Variants in SPEG observed in about 807,000 individuals in gnomAD.
SPEG encodes the protein striated muscle preferentially expressed protein kinase.
SPEG carries 114 observed loss-of-function variants against 300.4 expected under a neutral mutation model. The observed-to-expected ratio is 0.38, with a 90% CI of 0.33 to 0.44. SPEG has a LOEUF of 0.44. Ranked by LOEUF, SPEG falls within the 20% of genes least tolerant of loss-of-function variation. The pLI, the probability that SPEG is intolerant of heterozygous loss-of-function variation, is 1.00. For synonymous variants in SPEG, 1,964 were observed against 2,018.9 expected (o/e 0.97, Z 0.73); for missense variants, 4,201 against 4,586.2 (o/e 0.92, Z 2.43).
intron 10 of SPEG, among the ~76,000 whole-genome samples, chr2:219,468,041 C>T (rs1055536765): frequency 2.6e-5 from 4 of 152,336 alleles, no homozygotes; most frequent in Admixed American, 6.5e-5. Context: ...AAGACCTAAG[C>T]GGAAGCTGGA....
chr2:219,485,182 G>T, intron 30 of SPEG, 110 bp downstream of exon 30: 4 of 1,483,328 alleles, frequency 2.7e-6, no homozygotes, highest in Non-Finnish European at 3.7e-6. Flanking sequence ...GCAGGCTGAG[G>T]CCCCGAGGGT....
At chr2:219,482,605 T>C (rs1692954423) in intron 28 of SPEG, among the ~76,000 whole-genome samples, 179 bp from the exon 29 acceptor site, 1 of 152,210 alleles carries the variant, frequency 6.6e-6, no homozygotes, top group East Asian at 1.9e-4. Context: ...GTGTGCATCT[T>C]GGCTGTAGGC....
chr2:219,450,554 C>G (rs1056405547), intron 4 of SPEG: 1 of 152,286 alleles, frequency 6.6e-6, no homozygotes, highest in Non-Finnish European at 1.5e-5. Flanking sequence ...GGTACCCATA[C>G]AGTACTCAGT....
chr2:219,490,040 G>A (rs1414555913), intron 36 of SPEG, 101 bp downstream of exon 36: 4 of 1,387,466 alleles, frequency 2.9e-6, no homozygotes, highest in Non-Finnish European at 3.9e-6. Context: ...GCTGGGGTGG[G>A]GGGAGGTGCT....
In SPEG at chr2:219,477,948, G is replaced by C. The variant is rs748367615; in HGVS notation, c.4870G>C (p.Gly1624Arg). Reference protein sequence around the residue: ...YLRRIVERSSGLEFAAKFIPS... With the variant: ...YLRRIVERSSRLEFAAKFIPS... ...GCGGCGCATAGTGGAGCGTAGCTCCGGCCTGGAGTTTGCGGCCAAGTTCAT... is the reference window on the plus strand; with the variant it reads ...GCGGCGCATAGTGGAGCGTAGCTCCCGCCTGGAGTTTGCGGCCAAGTTCAT... The change falls in exon 22 of 41, where the codon GGC (glycine) becomes CGC (arginine). Residue 1624 changes from glycine (G) to arginine (R), a missense_variant. This residue lies in a region of SPEG where 1,047 missense variants were observed against 1,356.8 expected (regional missense o/e 0.77). Transcript: ENST00000312358. This position sits in a 1 kb window ranked among gnomAD's most constrained non-coding sequence, Gnocchi z 6.4. 2 of 1,614,058 alleles carry C rather than the reference G, an allele frequency of 1.2e-6. No homozygotes were observed. Among genetic ancestry groups the C allele is most frequent in the Admixed American group, 1.7e-5 (1 of 60,006 alleles).
In SPEG at chr2:219,490,347, C is replaced by T. The variant is rs1575200871; in HGVS notation, c.8922-62C>T. 4.5e-6 allele frequency: 7 copies of T among 1,559,898 alleles called. No individual in the cohort carries two copies. In the East Asian group the frequency reaches 1.1e-4, roughly 25 times the overall value. On this transcript the variant is annotated intron_variant, in intron 36 of 40. Coordinates refer to ENST00000312358, the MANE Select transcript of SPEG (RefSeq NM_005876.5). ...GTCCCTGCTCTCCTCCGTTAGCCCTCACTATGGAAGTGTCCCCCTCCTCTC... is the reference window on the plus strand; with the variant it reads ...GTCCCTGCTCTCCTCCGTTAGCCCTTACTATGGAAGTGTCCCCCTCCTCTC...
Position 219,489,092 on chromosome 2 carries a change from G to A in SPEG, c.8188G>A (p.Asp2730Asn), listed in dbSNP as rs200598748. Residue 2730 changes from aspartate (D) to asparagine (N), a missense_variant, in exon 35 of 41, where the codon GAC becomes AAC. Physicochemically the swap from Asp to Asn is conservative, Grantham distance 23. Coordinates refer to ENST00000312358, the MANE Select transcript of SPEG (RefSeq NM_005876.5). ...VWHPVSSGIP[D>N]CYYNVTHLPV... The stretch of plus-strand genomic sequence containing the variant: ...GCACCCTGTGAGCTCAGGCATCCCC[G>A]ACTGTTACTACAACGTGACCCACCT... 496 of 1,613,894 alleles carry A rather than the reference G, an allele frequency of 3.1e-4. 2 individuals carry two copies. In the African/African-American group the frequency reaches 3.7e-3, roughly 12 times the overall value.
intron 9 of SPEG, chr2:219,465,914 T>G: frequency 3.0e-6 from 2 of 677,384 alleles, no homozygotes; most frequent in South Asian, 1.8e-5. Flanking sequence ...TGTGCATGCG[T>G]GTGTGTGTGC....
In SPEG at chr2:219,480,107, A is replaced by G. The variant is rs1692694885; in HGVS notation, c.5309A>G (p.Asn1770Ser). 6.2e-6 allele frequency: 10 copies of G among 1,613,826 alleles called. No homozygotes were observed. The highest frequency in any genetic ancestry group is 1.7e-5 in the Admixed American group (1 of 60,008). Reference sequence around the variant, plus strand: ...GAGTTTGTAGCACCCGAGATTGTCAATCAGAGCCCCGTGTCTGGAGTCACT... The same window carrying G: ...GAGTTTGTAGCACCCGAGATTGTCAGTCAGAGCCCCGTGTCTGGAGTCACT... ...TPEFVAPEIV[N>S]QSPVSGVTDI... The change falls in exon 25 of 41, where the codon AAT (asparagine) becomes AGT (serine). Residue 1770 changes from asparagine to serine, a missense_variant. Asn to Ser is a conservative substitution (Grantham distance 46). This residue lies in a region of SPEG where 1,047 missense variants were observed against 1,356.8 expected (regional missense o/e 0.77). Coordinates refer to ENST00000312358, the MANE Select transcript of SPEG (RefSeq NM_005876.5). The surrounding 1 kb of genome is among the most constrained non-coding windows in gnomAD (Gnocchi z 5.3).
intron 1 of SPEG, among the ~76,000 whole-genome samples, chr2:219,438,128 G>C (rs13419208): frequency 6.6e-6 from 1 of 152,122 alleles, no homozygotes; most frequent in Non-Finnish European, 1.5e-5. Context: ...TGGGAAACTG[G>C]GGGTGGTGGT....
At position 219,489,757 on chromosome 2, in the gene SPEG, T is replaced by G. The variant is rs1325750794; in HGVS notation, c.8739T>G (p.Pro2913=). 2 of 1,613,388 alleles carry G rather than the reference T, an allele frequency of 1.2e-6. No individual in the cohort carries two copies. Among genetic ancestry groups the G allele is most frequent in the Admixed American group, 3.3e-5 (2 of 60,002 alleles). The change falls in exon 36 of 41, where the codon CCT becomes CCG. Residue 2913 remains proline, a synonymous_variant. Transcript: ENST00000312358. ...CCTTTGTGTCTGCACCACCAGCCCC[T>G]GAGCCCCCAGCCCCTGAGCCCCCTC... The part of the protein sequence containing the change: ...VTSFVSAPPA[P]EPPAPEPPPE...
chr2:219,446,127 G>A (rs1408427624), intron 3 of SPEG, among the ~76,000 whole-genome samples: 1 of 151,974 alleles, frequency 6.6e-6, no homozygotes, highest in East Asian at 1.9e-4. Flanking sequence ...AGGGTGGTTA[G>A]AGCAGGGCTA....
At chr2:219,467,537 C>T (rs1343420897) in intron 10 of SPEG, 103 bp downstream of exon 10, 7 of 1,377,510 alleles carry the variant, frequency 5.1e-6, no homozygotes, top group Admixed American at 4.2e-5. Context: ...GCTCCAACCC[C>T]GAGGGGAAGC....
rs62191886 is a variant in SPEG at position 219,467,426 on chromosome 2, C to T, written c.3134C>T (p.Thr1045Met). The change falls in exon 10 of 41, where the codon ACG becomes ATG. Residue 1045 changes from threonine (T) to methionine (M), a missense_variant. By Grantham distance (81) the Thr-to-Met change is moderately conservative. Transcript: ENST00000312358. Reference protein sequence around the residue: ...DSGVYTCKLSTAKDELTCSAR... With the variant: ...DSGVYTCKLSMAKDELTCSAR... The stretch of plus-strand genomic sequence containing the variant: ...GGCGTCTACACCTGCAAGCTCAGCA[C>T]GGCCAAAGGTAACTCCCCACTCAGG... The T allele has an allele frequency of 2.4e-5, 38 of 1,600,800 alleles. No homozygotes were observed. The highest frequency in any genetic ancestry group is 3.1e-5 in the Non-Finnish European group (36 of 1,171,858).
intron 9 of SPEG, 196 bp from the exon 10 acceptor site, chr2:219,466,978 T>C: frequency 9.4e-7 from 1 of 1,062,344 alleles, no homozygotes; most frequent in Non-Finnish European, 1.2e-6. Context: ...CTGGCCCAGC[T>C]TGGATTGCCA....
At position 219,444,204 on chromosome 2, in the gene SPEG, G is replaced by A. The variant is rs1238682147; in HGVS notation, c.389-449G>A. The A allele has an allele frequency of 3.9e-6, 2 of 516,378 alleles. No homozygotes were observed. Among genetic ancestry groups the A allele is most frequent in the Non-Finnish European group, 7.2e-6 (2 of 277,118 alleles). The allele number at this position is 516,378 out of a possible 1,614,324, so 32.0% of individuals were successfully genotyped here. On this transcript the variant is annotated intron_variant, in intron 1 of 40. Transcript: ENST00000312358. This position sits in a 1 kb window ranked among gnomAD's most constrained non-coding sequence, Gnocchi z 7.8. ...AGGCTGGCCCCGCGGTTGGTCGAGT[G>A]CCCTGGCAGTACGACTCTGAGGTGA...
intron 9 of SPEG, chr2:219,466,226 G>C: frequency 6.9e-7 from 1 of 1,452,620 alleles, no homozygotes; most frequent in Non-Finnish European, 9.0e-7. Flanking sequence ...GCAGCCCCCA[G>C]GGGGATAGCC....
intron 18 of SPEG, among the ~76,000 whole-genome samples, chr2:219,475,617 T>A (rs928988735): frequency 6.6e-6 from 1 of 152,192 alleles, no homozygotes; most frequent in African/African-American, 2.4e-5. Flanking sequence ...GTCACCACTT[T>A]ACTCCTTGAC....
chr2:219,440,833 A>G (rs372850164), intron 1 of SPEG, among the ~76,000 whole-genome samples: 4 of 152,194 alleles, frequency 2.6e-5, no homozygotes, highest in South Asian at 2.1e-4. Context: ...GCTTAGCACA[A>G]TGCCTGGTAC....
Sources: allele counts gnomAD v4.1 joint callset (sites outside exome capture counted in the v4.1 genomes callset), GRCh38; gene constraint gnomAD v4.1.1; regional missense constraint gnomAD v4.1.1; non-coding constraint Gnocchi (gnomAD v3.1); transcripts MANE v1.5; gene names NCBI Gene and HGNC (gene_info 2026-07-23, HGNC 2026-07-21).